The following ZIM3 variants were observed in gnomAD, a reference collection of about 807,000 sequenced individuals.
ZIM3 encodes zinc finger imprinted 3.
A neutral mutation model predicts 12.9 loss-of-function variants in ZIM3; 11 were observed. The observed-to-expected ratio is 0.85, with a 90% CI of 0.54 to 1.41. The LOEUF is 1.41. Ranked by LOEUF, ZIM3 falls within the 40% of genes most tolerant of loss-of-function variation. The pLI is 0.00. For synonymous variants in ZIM3, 205 were observed against 198.5 expected, an observed-to-expected ratio of 1.03 and a Z score of -0.28; for missense variants, 604 against 557.2, an observed-to-expected ratio of 1.08 and a Z score of -0.85.
intron 2 of ZIM3, among the ~76,000 whole-genome samples, chr19:57,141,419 AAAC>A (rs1376515667): frequency 9.5e-4 from 127 of 133,924 alleles, no homozygotes; most frequent in East Asian, 2.1e-3. Flanking sequence ...AAAAAAAAAA[AAAC>A]AACAAAACAA....
chr19:57,135,550 T>C lies in ZIM3; in HGVS notation c.787A>G (p.Lys263Glu), dbSNP rs756554111. 2 of 1,613,892 alleles carry C rather than the reference T, an allele frequency of 1.2e-6. No individual in the cohort carries two copies. Among genetic ancestry groups the C allele is most frequent in the African/African-American group, 2.7e-5 (2 of 74,908 alleles). Residue 263 changes from lysine to glutamate, a missense_variant, in exon 5 of 5, where the codon AAA becomes GAA. Transcript: ENST00000269834. ...TTCTCATGATTAATGCAGGATGATT[T>C]CCAGGAAAAGGCTTTTCCACATGTC... ...CKTCGKAFSW[K>E]SSCINHEKIH... is the part of the protein sequence containing the mutation.
chr19:57,140,057 T>A, intron 2 of ZIM3, among the ~76,000 whole-genome samples: 1 of 152,222 alleles, frequency 6.6e-6, no homozygotes, highest in East Asian at 1.9e-4. Flanking sequence ...CGAATTCCTT[T>A]GTCAGAAACT....
chr19:57,135,283 C>G lies in ZIM3; in HGVS notation c.1054G>C (p.Asp352His), dbSNP rs771372793. Residue 352 changes from aspartate (D) to histidine (H), a missense_variant, in exon 5 of 5, where the codon GAT (aspartate) becomes CAT (histidine). Asp to His is a moderately conservative substitution (Grantham distance 81). Transcript: ENST00000269834. ...TTCCCAGTGTGAATTTTCTCATGAT[C>G]GATGACATTGGATTTCTGGGAAAAG... is the stretch of plus-strand genomic sequence containing the variant. ...KAFSQKSNVI[D>H]HEKIHTGKRA... 6.4e-5 allele frequency: 104 copies of G among 1,614,020 alleles called. No individual in the cohort carries two copies. The highest frequency in any genetic ancestry group is 8.5e-5 in the Non-Finnish European group (100 of 1,180,016).
chr19:57,138,974 T>G (rs1371838119), intron 2 of ZIM3, among the ~76,000 whole-genome samples: 7 of 152,112 alleles, frequency 4.6e-5, no homozygotes, highest in Admixed American at 2.6e-4. Flanking sequence ...GAGGATTGCT[T>G]GAGGCCAGGA....
In ZIM3 at chr19:57,136,878, C is replaced by T. The variant is rs776770928; in HGVS notation, c.236G>A (p.Arg79His). Residue 79 changes from arginine (R) to histidine (H), a missense_variant, in exon 4 of 5, where the codon CGT becomes CAT. By Grantham distance (29) the Arg-to-His change is conservative. Coordinates refer to ENST00000269834, the MANE Select transcript of ZIM3 (RefSeq NM_052882.1). ...LEEEEVLGSGRAEKNGDIGGQ... is the reference protein window; with the variant it reads ...LEEEEVLGSGHAEKNGDIGGQ... The stretch of plus-strand genomic sequence containing the variant: ...GTGCTCTCCTGGTCACCTACCTGCA[C>T]GGCCACTTCCCAGCACTTCCTCTTC... 1.2e-5 allele frequency: 20 copies of T among 1,613,912 alleles called. No individual in the cohort carries two copies. Among genetic ancestry groups the T allele is most frequent in the Middle Eastern group, 1.6e-4 (1 of 6,084 alleles).
chr19:57,142,749 A>T (rs1415259768), intron 1 of ZIM3, 64 bp from the exon 2 acceptor site: 1 of 1,306,884 alleles, frequency 7.7e-7, no homozygotes, highest in African/African-American at 1.5e-5. Context: ...GGGATCATCC[A>T]GCATAGAATG....
At chr19:57,142,048 T>C (rs1195737306) in intron 2 of ZIM3, among the ~76,000 whole-genome samples, 2 of 152,092 alleles carry the variant, frequency 1.3e-5, no homozygotes, top group African/African-American at 4.8e-5. Flanking sequence ...TGATTAAAGC[T>C]TCTTCCTTGG....
intron 2 of ZIM3, among the ~76,000 whole-genome samples, chr19:57,139,242 C>T (rs1165313403): frequency 6.6e-6 from 1 of 151,704 alleles, no homozygotes; most frequent in East Asian, 1.9e-4. Context: ...GCAGGAGAAT[C>T]ACTTGAACCC....
rs148663568 is a variant in ZIM3, at chr19:57,134,841, C to T, written c.*77G>A. On this transcript the variant is annotated 3_prime_UTR_variant, in exon 5 of 5. Coordinates refer to ENST00000269834, the MANE Select transcript of ZIM3 (RefSeq NM_052882.1). ...TCAAAAATAGCCTCCAAATTAGAGG[C>T]CATTTCAACATGGAATTCTGGGGTG... The T allele has an allele frequency of 0.011, 15,836 of 1,445,006 alleles. 102 individuals are homozygous for T. Among genetic ancestry groups the T allele is most frequent in the Middle Eastern group, 0.02 (109 of 5,454 alleles). The allele number at this position is 1,445,006 out of a possible 1,614,324, so 89.5% of individuals were successfully genotyped here. A position where few individuals can be genotyped will look rare whatever the true frequency, so the allele number is the denominator to read the frequency against.
At position 57,134,155 on chromosome 19, in the gene ZIM3, C is replaced by G. The variant is rs1361428118; in HGVS notation, c.*763G>C. On this transcript the variant is annotated 3_prime_UTR_variant, in exon 5 of 5. Transcript: ENST00000269834. ...AGAAATGCCAAGATACCTTCATGCT[C>G]AGGAGAGAAAGCTGTACTTCCTGGA... 1 of 152,252 alleles carries G rather than the reference C, an allele frequency of 6.6e-6. No individual in the cohort carries two copies. Among genetic ancestry groups the G allele is most frequent in the Non-Finnish European group, 1.5e-5 (1 of 68,070 alleles). The allele number at this position is 152,252 out of a possible 1,614,324, so 9.4% of individuals were successfully genotyped here.
In ZIM3 at chr19:57,135,595, C is replaced by G; in HGVS notation, c.742G>C (p.Glu248Gln). Residue 248 changes from glutamate to glutamine, a missense_variant, in exon 5 of 5, where the codon GAG (glutamate) becomes CAG (glutamine). Physicochemically the swap from Glu to Gln is conservative, Grantham distance 29. Transcript: ENST00000269834. ...CATGTCTTACACTGATAGGGTTTCT[C>G]TTTAGTATGCATTTTCTGATGTTGA... ...LFQHQKMHTK[E>Q]KPYQCKTCGK... 2 of 1,613,982 alleles carry G rather than the reference C, an allele frequency of 1.2e-6. No homozygotes were observed. Among genetic ancestry groups the G allele is most frequent in the Non-Finnish European group, 1.7e-6 (2 of 1,180,008 alleles).
At chr19:57,140,352 C>A (rs1031635605) in intron 2 of ZIM3, among the ~76,000 whole-genome samples, 1 of 151,744 alleles carries the variant, frequency 6.6e-6, no homozygotes, top group Non-Finnish European at 1.5e-5. Flanking sequence ...AATTTTTGTA[C>A]TTTTAGTAGA....
At chr19:57,142,239 G>A (rs1555756556) in intron 2 of ZIM3, among the ~76,000 whole-genome samples, 1 of 150,226 alleles carries the variant, frequency 6.7e-6, no homozygotes, top group Non-Finnish European at 1.5e-5. Flanking sequence ...AACCTCCCAG[G>A]TTCAAGCGAT....
intron 3 of ZIM3, 34 bp from the exon 4 acceptor site, chr19:57,137,005 G>C (rs1297913706): frequency 6.2e-7 from 1 of 1,605,716 alleles, no homozygotes; most frequent in Non-Finnish European, 8.5e-7. Context: ...CTTGGTGTTT[G>C]TGGATGTGTG....
chr19:57,135,385 A>G lies in ZIM3; in HGVS notation c.952T>C (p.Tyr318His). The G allele has an allele frequency of 1.2e-6, 2 of 1,613,938 alleles. No individual in the cohort carries two copies. The highest frequency in any genetic ancestry group is 1.7e-6 in the Non-Finnish European group (2 of 1,179,868). The change falls in exon 5 of 5, where the codon TAC (tyrosine) becomes CAC (histidine). Residue 318 changes from tyrosine (Y) to histidine (H), a missense_variant. By Grantham distance (83) the Tyr-to-His change is moderately conservative (BLOSUM62 2). Coordinates refer to ENST00000269834, the MANE Select transcript of ZIM3 (RefSeq NM_052882.1). ...TGGTGTTTCACAAGATCTGACTTGT[A>G]AATGAAAGCCTTTCCACAGTCCGTA... is the stretch of plus-strand genomic sequence containing the variant. ...QCTDCGKAFI[Y>H]KSDLVKHQRI...
chr19:57,142,293 G>C (rs775806803), intron 2 of ZIM3, among the ~76,000 whole-genome samples: 2 of 151,704 alleles, frequency 1.3e-5, no homozygotes, highest in Non-Finnish European at 1.5e-5. Context: ...ACAGGTGTAC[G>C]CCACCACCAC....
rs769083149 is a variant in ZIM3, at chr19:57,135,031, A to G, written c.1306T>C (p.Leu436=). ...TGTCCAGTATGGGTTTTTTTATGCA[A>G]ACTAAGGTTTAATTTCCGGATGAAG... The part of the protein sequence containing the change: ...KTFIRKLNLS[L]HKKTHTGQKP... Residue 436 remains leucine, a synonymous_variant, in exon 5 of 5, where the codon TTG becomes CTG. Coordinates refer to ENST00000269834, the MANE Select transcript of ZIM3 (RefSeq NM_052882.1). 1.9e-6 allele frequency: 3 copies of G among 1,614,116 alleles called. No homozygotes were observed. The Admixed American group carries it at 5.0e-5, about 27-fold the overall frequency.
chr19:57,139,331 GAAAAAA>G (rs1217100079), intron 2 of ZIM3, among the ~76,000 whole-genome samples: 1 of 149,128 alleles, frequency 6.7e-6, no homozygotes, highest in Non-Finnish European at 1.5e-5. Context: ...TCTGTCTCAA[GAAAAAA>G]AAGAAAAAGA....
chr19:57,141,097 G>T (rs543487135), intron 2 of ZIM3, among the ~76,000 whole-genome samples: 1 of 152,140 alleles, frequency 6.6e-6, no homozygotes, highest in South Asian at 2.1e-4. Flanking sequence ...AAGAGCAATG[G>T]TCAAAAGATG....
Sources: gnomAD v4.1 joint callset for allele counts (sites outside exome capture counted in the v4.1 genomes callset) on GRCh38, gnomAD v4.1.1 for gene constraint, MANE v1.5 for transcripts, NCBI Gene and HGNC (gene_info 2026-07-23, HGNC 2026-07-21) for gene names.